Variants in CTNNA2 observed in about 807,000 individuals in gnomAD.
CTNNA2 encodes the protein catenin alpha 2, also known as catenin alpha-2.
Under a neutral mutation model 101.0 loss-of-function variants are expected in CTNNA2, and 42 were observed. The ratio of observed to expected loss-of-function variants is 0.42; its 90% CI spans 0.32 to 0.54. CTNNA2 has a LOEUF of 0.54. CTNNA2 is among the 20% of genes least tolerant of loss of function. The pLI is 0.14. For synonymous variants in CTNNA2, 450 were observed against 456.4 expected, an observed-to-expected ratio of 0.99 and a Z score of 0.18; for missense variants, 871 against 1,223.1, an observed-to-expected ratio of 0.71 and a Z score of 4.29.
intron 11 of CTNNA2, among the ~76,000 whole-genome samples, chr2:80,551,519 G>A (rs982819196): frequency 1.3e-5 from 2 of 152,220 alleles, no homozygotes; most frequent in Non-Finnish European, 2.9e-5. Context: ...ACTTGGCACA[G>A]GTTCTATCTA....
At chr2:79,684,517 AT>A (rs1255899442) in intron 2 of CTNNA2, among the ~76,000 whole-genome samples, 1 of 152,200 alleles carries the variant, frequency 6.6e-6, no homozygotes, top group East Asian at 1.9e-4. Context: ...GACATAATGT[AT>A]GTAAAGTGCT....
chr2:80,057,178 T>TG (rs1400742011), intron 7 of CTNNA2, among the ~76,000 whole-genome samples: 10 of 151,450 alleles, frequency 6.6e-5, no homozygotes, highest in African/African-American at 2.4e-4. Context: ...ATAAGTTGTT[T>TG]TTTTTTTTTT....
rs113317661 is a variant in CTNNA2 at position 79,575,906 on chromosome 2, T to A, written c.-6+62699T>A. On this transcript the variant is annotated intron_variant, in intron 1 of 18. Coordinates refer to ENST00000402739, the MANE Select transcript of CTNNA2 (RefSeq NM_001282597.3). ...TTACTAAACCTTATTGAACCTCAAT[T>A]TCCTTATCTGCAAAAGACAGATAAT... Among the ~76,000 whole-genome samples, 272 of 152,298 alleles carry A rather than the reference T, an allele frequency of 1.8e-3. 1 individual carries two copies. Among genetic ancestry groups the A allele is most frequent in the African/African-American group, 6.1e-3 (255 of 41,558 alleles).
chr2:80,528,546 C>T (rs1690241365), intron 9 of CTNNA2, among the ~76,000 whole-genome samples: 1 of 152,078 alleles, frequency 6.6e-6, no homozygotes, highest in Admixed American at 6.6e-5. Flanking sequence ...TGCTACTGGC[C>T]TGTGGACAAT....
At chr2:80,400,543 C>G (rs1678460917) in intron 8 of CTNNA2, among the ~76,000 whole-genome samples, 1 of 152,090 alleles carries the variant, frequency 6.6e-6, no homozygotes, top group Non-Finnish European at 1.5e-5. Flanking sequence ...ACATTACATG[C>G]CCTTGACTCA....
chr2:80,280,524 C>T (rs1674295073), intron 7 of CTNNA2, among the ~76,000 whole-genome samples: 2 of 151,702 alleles, frequency 1.3e-5, no homozygotes, highest in Admixed American at 1.3e-4. Context: ...AACCTTGGAC[C>T]TCATACAATC....
intron 7 of CTNNA2, among the ~76,000 whole-genome samples, chr2:79,968,782 G>A (rs142964871): frequency 1.0e-3 from 152 of 151,168 alleles, no homozygotes; most frequent in African/African-American, 3.5e-3. Context: ...ATTTGTCTTC[G>A]CCTTATTTAG....
At chr2:80,165,903 C>G (rs987537676) in intron 7 of CTNNA2, among the ~76,000 whole-genome samples, 16 of 152,170 alleles carry the variant, frequency 1.1e-4, no homozygotes, top group African/African-American at 3.9e-4. Flanking sequence ...GGGTGGAAGT[C>G]TCAGCTCCCC....
chr2:79,438,631 A>G (rs2104516305), intron 4 of CTNNA2, among the ~76,000 whole-genome samples: 1 of 152,256 alleles, frequency 6.6e-6, no homozygotes, highest in South Asian at 2.1e-4. Context: ...GACATTGCCA[A>G]ATGTCCCCTC....
intron 2 of CTNNA2, among the ~76,000 whole-genome samples, chr2:79,215,094 G>A (rs184744961): frequency 0.085 from 12,865 of 152,090 alleles, 646 homozygotes; most frequent in Middle Eastern, 0.19. Context: ...GCTAAGCTGA[G>A]AAGATCTGGG....
At chr2:79,909,355 C>T (rs1685635556) in intron 6 of CTNNA2, among the ~76,000 whole-genome samples, 2 of 152,212 alleles carry the variant, frequency 1.3e-5, no homozygotes, top group Admixed American at 1.3e-4. Flanking sequence ...GTTGAGATAG[C>T]CTTTGCCAAG....
intron 7 of CTNNA2, among the ~76,000 whole-genome samples, chr2:80,197,640 A>T (rs1468100960): frequency 1.3e-5 from 2 of 152,140 alleles, no homozygotes; most frequent in South Asian, 2.1e-4. Flanking sequence ...AAACTTCTCC[A>T]TCCTCTCTAC....
At chr2:79,766,854 CAA>C (rs1028253459) in intron 3 of CTNNA2, among the ~76,000 whole-genome samples, 2 of 151,962 alleles carry the variant, frequency 1.3e-5, no homozygotes, top group Non-Finnish European at 2.9e-5. Context: ...CTCCTGGGTT[CAA>C]GTGATTCTCC....
chr2:80,600,728 G>A (rs961640624), intron 15 of CTNNA2, among the ~76,000 whole-genome samples: 4 of 151,850 alleles, frequency 2.6e-5, no homozygotes, highest in Non-Finnish European at 5.9e-5. Context: ...GCCACTTTCC[G>A]CCTCCTTCTG....
intron 2 of CTNNA2, among the ~76,000 whole-genome samples, chr2:79,654,636 C>T (rs1048672693): frequency 2.6e-5 from 4 of 152,238 alleles, no homozygotes; most frequent in African/African-American, 9.6e-5. Context: ...AACCTAAGCA[C>T]ATCTGCAAAT....
chr2:80,502,262 T>C (rs1025759424), intron 9 of CTNNA2, among the ~76,000 whole-genome samples: 8 of 152,208 alleles, frequency 5.3e-5, no homozygotes, highest in Non-Finnish European at 2.9e-5. Context: ...TCCAGGAAGA[T>C]TTTAATTTTC....
At chr2:79,839,681 G>T (rs1356124812) in intron 3 of CTNNA2, among the ~76,000 whole-genome samples, 2 of 149,522 alleles carry the variant, frequency 1.3e-5, no homozygotes, top group African/African-American at 4.9e-5. Context: ...TTCTTAGCTG[G>T]GTCTAACCTG....
At chr2:79,372,034 A>C (rs1000577583) in intron 3 of CTNNA2, among the ~76,000 whole-genome samples, 3 of 152,168 alleles carry the variant, frequency 2.0e-5, no homozygotes, top group African/African-American at 7.2e-5. Flanking sequence ...CACCTTTTGA[A>C]TCCCATGGGA....
intron 3 of CTNNA2, among the ~76,000 whole-genome samples, chr2:79,369,662 A>C (rs913304021): frequency 6.6e-6 from 1 of 152,144 alleles, no homozygotes; most frequent in African/African-American, 2.4e-5. Flanking sequence ...TTGAAGAGCA[A>C]CTTCTACTTT....
Sources: allele counts gnomAD v4.1 joint callset (sites outside exome capture counted in the v4.1 genomes callset), GRCh38; gene constraint gnomAD v4.1.1; transcripts MANE v1.5; gene names NCBI Gene and HGNC (gene_info 2026-07-23, HGNC 2026-07-21).